STX11: variants seen among roughly 807,000 people sequenced by gnomAD.
The protein encoded by STX11 is syntaxin-11.
Under a neutral mutation model 19.9 loss-of-function variants are expected in STX11, and 21 were observed. The observed-to-expected ratio is 1.06, with a 90% CI of 0.75 to 1.52. The LOEUF (loss-of-function observed/expected upper bound fraction) is 1.52. Ranked by LOEUF, STX11 falls within the 40% of genes most tolerant of loss-of-function variation. The probability of loss-of-function intolerance (pLI) is 0.00; values close to 1 mark genes in which losing one functional copy is unlikely to be tolerated. For synonymous variants in STX11, 193 were observed against 174.4 expected (o/e 1.11, Z -0.84); for missense variants, 438 against 405.9 (o/e 1.08, Z -0.68).
chr6:144,189,955 C>T lies in STX11; in HGVS notation c.*2464C>T, dbSNP rs78872273. On this transcript the variant is annotated 3_prime_UTR_variant, in exon 2 of 2. Coordinates refer to ENST00000367568, the MANE Select transcript of STX11 (RefSeq NM_003764.4). ...CTGCCAGCCAGTTTCCACAAAAAAACGAAGAGTTCATAAATTTGACATGTT... is the reference window on the plus strand; with the variant it reads ...CTGCCAGCCAGTTTCCACAAAAAAATGAAGAGTTCATAAATTTGACATGTT... 2.6e-4 allele frequency among the ~76,000 whole-genome samples: 40 copies of T among 152,252 alleles called. No homozygotes were observed. Among genetic ancestry groups the T allele is most frequent in the Middle Eastern group, 3.4e-3 (1 of 292 alleles).
Position 144,162,329 on chromosome 6 carries a change from C to T in STX11, c.-6+11626C>T, listed in dbSNP as rs191800211. On this transcript the variant is annotated intron_variant, in intron 1 of 1. Coordinates refer to ENST00000367568, the MANE Select transcript of STX11 (RefSeq NM_003764.4). This position sits in a 1 kb window ranked among gnomAD's most constrained non-coding sequence, Gnocchi z 4.6. The stretch of plus-strand genomic sequence containing the variant: ...CATTGTTCACTGAGGATTTAACTTT[C>T]TTAAATCTACTAGACCAATTATCAT... Among the ~76,000 whole-genome samples the T allele has an allele frequency of 1.9e-3, 293 of 152,312 alleles. No homozygotes were observed. Among genetic ancestry groups the T allele is most frequent in the African/African-American group, 6.9e-3 (286 of 41,552 alleles).
intron 1 of STX11, among the ~76,000 whole-genome samples, chr6:144,163,224 A>G (rs1801388778): frequency 1.3e-5 from 2 of 152,230 alleles, no homozygotes. Context: ...CATTTAAAAT[A>G]TCTCATCAGT....
At chr6:144,144,940 C>T in the STX11 span, among the ~76,000 whole-genome samples, 3 of 152,146 alleles carry the variant, frequency 2.0e-5, no homozygotes, top group Admixed American at 6.5e-5. Flanking sequence ...TTGGGCATTG[C>T]AGGTATAAAT....
At chr6:144,147,026 G>A (rs555236692), upstream of STX11, among the ~76,000 whole-genome samples, 1 of 152,182 alleles carries the variant, frequency 6.6e-6, no homozygotes, top group Admixed American at 6.5e-5. This position sits in a 1 kb window ranked among gnomAD's most constrained non-coding sequence, Gnocchi z 4.2. Flanking sequence ...ATTTCCATGT[G>A]TGCATTGGAT....
Position 144,187,625 on chromosome 6 carries a change from C to T in STX11, c.*134C>T. 1 of 1,240,342 alleles carries T rather than the reference C, an allele frequency of 8.1e-7. No individual in the cohort carries two copies. The highest frequency in any genetic ancestry group is 1.1e-6 in the Non-Finnish European group (1 of 883,348). 76.8% of individuals were successfully genotyped at this position (1,240,342 alleles called of 1,614,324 possible). A position where few individuals can be genotyped will look rare whatever the true frequency, so the allele number is the denominator to read the frequency against. ...GAACTCAGTCTTTAGAAAAGAAACG[C>T]CAGGTTCAAGAATTGCAAACCAGCC... On this transcript the variant is annotated 3_prime_UTR_variant, in exon 2 of 2. Transcript: ENST00000367568. This position sits in a 1 kb window ranked among gnomAD's most constrained non-coding sequence, Gnocchi z 5.6.
rs1369264682 is a variant in STX11, at chr6:144,155,998, CTTTCTTTCTT to C, written c.-6+5297_-6+5306del. Among the ~76,000 whole-genome samples, 263 of 129,924 alleles carry C rather than the reference CTTTCTTTCTT, an allele frequency of 2.0e-3. 2 individuals are homozygous for C. The highest frequency in any genetic ancestry group is 9.4e-3 in the African/African-American group (242 of 25,692). 85.2% of individuals were successfully genotyped at this position (129,924 alleles called of 152,430 possible). A position where few individuals can be genotyped will look rare whatever the true frequency, so the allele number is the denominator to read the frequency against. On this transcript the variant is annotated intron_variant, in intron 1 of 1. Coordinates refer to ENST00000367568, the MANE Select transcript of STX11 (RefSeq NM_003764.4). The surrounding 1 kb of genome is among the most constrained non-coding windows in gnomAD (Gnocchi z 4.5). ...TCTTTCTTTCTTTCTTTCTTTCTTT[CTTTCTTTCTT>C]TCTTTCTCTCTTTCTCTCCTTCCTT... is the stretch of plus-strand genomic sequence containing the variant.
chr6:144,163,198 G>T (rs1047969362), intron 1 of STX11, among the ~76,000 whole-genome samples: 1 of 152,170 alleles, frequency 6.6e-6, no homozygotes, highest in Non-Finnish European at 1.5e-5. Flanking sequence ...GTCAGTTTTG[G>T]TTTCAACTGT....
At chr6:144,140,455 G>A in the STX11 span, among the ~76,000 whole-genome samples, 504 of 151,444 alleles carry the variant, frequency 3.3e-3, 1 homozygote, top group African/African-American at 0.011. Context: ...GGGTTTCGCC[G>A]TGTTGGCCAG....
At chr6:144,145,766 A>G (rs939637499), upstream of STX11, among the ~76,000 whole-genome samples, 1 of 152,132 alleles carries the variant, frequency 6.6e-6, no homozygotes, top group Admixed American at 6.6e-5. Flanking sequence ...GTTAGTAAAG[A>G]AAAAAAAGTA....
In STX11 at chr6:144,188,487, T is replaced by C. The variant is rs1345939671; in HGVS notation, c.*996T>C. On this transcript the variant is annotated 3_prime_UTR_variant, in exon 2 of 2. Coordinates refer to ENST00000367568, the MANE Select transcript of STX11 (RefSeq NM_003764.4). ...AACAACTCTGCATTGGTTATGGCGGTAGACATATGGCGGTAGAAAATGTAT... is the reference window on the plus strand; with the variant it reads ...AACAACTCTGCATTGGTTATGGCGGCAGACATATGGCGGTAGAAAATGTAT... 9.1e-6 allele frequency: 2 copies of C among 220,422 alleles called. No homozygotes were observed. Among genetic ancestry groups the C allele is most frequent in the Non-Finnish European group, 9.9e-6 (1 of 100,908 alleles). The allele number at this position is 220,422 out of a possible 1,614,324, so 13.7% of individuals were successfully genotyped here. A position where few individuals can be genotyped will look rare whatever the true frequency, so the allele number is the denominator to read the frequency against.
chr6:144,145,159 C>A, the STX11 span, among the ~76,000 whole-genome samples: 1 of 152,170 alleles, frequency 6.6e-6, no homozygotes, highest in Non-Finnish European at 1.5e-5. Context: ...TGTCCATTGA[C>A]AGGTGAATGG....
rs1318599530 is a variant in STX11, at chr6:144,188,178, CAAATT to C, written c.*688_*692del. On this transcript the variant is annotated 3_prime_UTR_variant, in exon 2 of 2. Transcript: ENST00000367568. ...AAGCACTGAATATCGAACAAGCACT[CAAATT>C]GAAGTATCAGTCATGTTTTGTGTAT... 1 of 237,856 alleles carries C rather than the reference CAAATT, an allele frequency of 4.2e-6. No homozygotes were observed. Among genetic ancestry groups the C allele is most frequent in the African/African-American group, 2.2e-5 (1 of 44,812 alleles). 14.7% of individuals were successfully genotyped at this position (237,856 alleles called of 1,614,324 possible). A position where few individuals can be genotyped will look rare whatever the true frequency, so the allele number is the denominator to read the frequency against.
rs1214768010 is a variant in STX11 at position 144,155,972 on chromosome 6, T to TTC, written c.-6+5271_-6+5272dup. 1.5e-5 allele frequency among the ~76,000 whole-genome samples: 2 copies of TTC among 130,160 alleles called. No homozygotes were observed. The highest frequency in any genetic ancestry group is 3.0e-5 in the Non-Finnish European group (2 of 65,986). 85.4% of individuals were successfully genotyped at this position (130,160 alleles called of 152,430 possible). A position where few individuals can be genotyped will look rare whatever the true frequency, so the allele number is the denominator to read the frequency against. On this transcript the variant is annotated intron_variant, in intron 1 of 1. Transcript: ENST00000367568. The surrounding 1 kb of genome is among the most constrained non-coding windows in gnomAD (Gnocchi z 4.5). ...TTTCTTTCTTTCTTTCTTTCTTTCT[T>TTC]TCTTTCTTTCTTTCTTTCTTTCTTT...
Position 144,176,428 on chromosome 6 carries a change from A to G in STX11, c.-5-10195A>G, listed in dbSNP as rs907891682. Among the ~76,000 whole-genome samples the G allele has an allele frequency of 6.6e-6, 1 of 152,194 alleles. No individual in the cohort carries two copies. The highest frequency in any genetic ancestry group is 1.5e-5 in the Non-Finnish European group (1 of 68,038). On this transcript the variant is annotated intron_variant, in intron 1 of 1. Coordinates refer to ENST00000367568, the MANE Select transcript of STX11 (RefSeq NM_003764.4). The surrounding 1 kb of genome is among the most constrained non-coding windows in gnomAD (Gnocchi z 4.1). ...TATTGTGAGGATTGTGGTGGATTTT[A>G]TATCAGTTCTCAAGCACAATGACTG... is the stretch of plus-strand genomic sequence containing the variant.
chr6:144,186,747 C>T lies in STX11; in HGVS notation c.120C>T (p.Ile40=), dbSNP rs535668762. 12 of 1,614,150 alleles carry T rather than the reference C, an allele frequency of 7.4e-6. No individual in the cohort carries two copies. The Admixed American group carries it at 1.0e-4, about 13-fold the overall frequency. The change falls in exon 2 of 2, where the codon ATC becomes ATT. Residue 40 remains isoleucine (I), a synonymous_variant. Coordinates refer to ENST00000367568, the MANE Select transcript of STX11 (RefSeq NM_003764.4). ...ACATCGTGTTCGAGACGGACCACATCCTGGAGTCCCTGTACCGAGACATCC... is the reference window on the plus strand; with the variant it reads ...ACATCGTGTTCGAGACGGACCACATTCTGGAGTCCCTGTACCGAGACATCC... ...HEDIVFETDH[I]LESLYRDIRD...
Position 144,175,374 on chromosome 6 carries a change from A to G in STX11, c.-5-11249A>G, listed in dbSNP as rs568316590. Among the ~76,000 whole-genome samples, 22 of 152,342 alleles carry G rather than the reference A, an allele frequency of 1.4e-4. No homozygotes were observed. Among genetic ancestry groups the G allele is most frequent in the African/African-American group, 5.1e-4 (21 of 41,584 alleles). ...TGCTGTAAATGGAAATGGCAATTACATAAGAGTTTTTTTCCACTTTGCTAA... is the reference window on the plus strand; with the variant it reads ...TGCTGTAAATGGAAATGGCAATTACGTAAGAGTTTTTTTCCACTTTGCTAA... On this transcript the variant is annotated intron_variant, in intron 1 of 1. Coordinates refer to ENST00000367568, the MANE Select transcript of STX11 (RefSeq NM_003764.4). The surrounding 1 kb of genome is among the most constrained non-coding windows in gnomAD (Gnocchi z 5.1).
chr6:144,187,215 C>T lies in STX11; in HGVS notation c.588C>T (p.Asp196=), dbSNP rs933545270. 5 of 1,613,814 alleles carry T rather than the reference C, an allele frequency of 3.1e-6. No homozygotes were observed. In the African/African-American group the frequency reaches 4.0e-5, roughly 13 times the overall value. ...WDVFSENLLA[D]VKGARAALNE... ...TGTTTTCCGAGAACTTGCTGGCCGA[C>T]GTGAAGGGCGCGCGGGCCGCCCTCA... The change falls in exon 2 of 2, where the codon GAC becomes GAT. Residue 196 remains aspartate (D), a synonymous_variant. Coordinates refer to ENST00000367568, the MANE Select transcript of STX11 (RefSeq NM_003764.4). The surrounding 1 kb of genome is among the most constrained non-coding windows in gnomAD (Gnocchi z 5.6).
At chr6:144,149,107 A>T (rs1800931276), upstream of STX11, among the ~76,000 whole-genome samples, 1 of 152,242 alleles carries the variant, frequency 6.6e-6, no homozygotes, top group Non-Finnish European at 1.5e-5. This position sits in a 1 kb window ranked among gnomAD's most constrained non-coding sequence, Gnocchi z 5.1. Context: ...ACGTTGGCTT[A>T]GAACATCTGG....
chr6:144,148,481 G>A (rs913850297), upstream of STX11, among the ~76,000 whole-genome samples: 3 of 151,802 alleles, frequency 2.0e-5, no homozygotes, highest in African/African-American at 4.9e-5. Context: ...TTTTAGAACC[G>A]TTTTAGATTT....
Sources: allele counts gnomAD v4.1 joint callset (sites outside exome capture counted in the v4.1 genomes callset), GRCh38; gene constraint gnomAD v4.1.1; non-coding constraint Gnocchi (gnomAD v3.1); transcripts MANE v1.5; gene names NCBI Gene and HGNC (gene_info 2026-07-23, HGNC 2026-07-21).